Variants in PRKAG2 observed in about 807,000 individuals in gnomAD.
PRKAG2 encodes protein kinase AMP-activated non-catalytic subunit gamma 2.
PRKAG2 carries 26 observed loss-of-function variants against 69.6 expected under a neutral mutation model. The ratio of observed to expected loss-of-function variants is 0.37; its 90% CI spans 0.27 to 0.52. The LOEUF is 0.52. Ranked by LOEUF, PRKAG2 falls within the 20% of genes least tolerant of loss-of-function variation. The pLI, the probability that PRKAG2 is intolerant of heterozygous loss-of-function variation, is 0.90. For synonymous variants in PRKAG2, 293 were observed against 285.0 expected (o/e 1.03, Z -0.28); for missense variants, 557 against 740.0 (o/e 0.75, Z 2.87).
At chr7:151,795,619 G>A (rs56037571) in intron 1 of PRKAG2, among the ~76,000 whole-genome samples, 18,551 of 152,016 alleles carry the variant, frequency 0.12, 1,358 homozygotes, top group Middle Eastern at 0.19. Flanking sequence ...AGACGTGGAT[G>A]ACATCTACAG....
At chr7:151,767,566 C>T (rs2075802268) in intron 3 of PRKAG2, among the ~76,000 whole-genome samples, 1 of 152,240 alleles carries the variant, frequency 6.6e-6, no homozygotes, top group African/African-American at 2.4e-5. Flanking sequence ...GCTGGGATTA[C>T]AGGCGTGAGC....
intron 6 of PRKAG2, among the ~76,000 whole-genome samples, chr7:151,581,570 T>C (rs1810478254): frequency 6.6e-6 from 1 of 150,512 alleles, no homozygotes; most frequent in African/African-American, 2.5e-5. Context: ...AAATCTCTGG[T>C]CAAATAGTGT....
At chr7:151,629,100 G>A (rs1823747189) in intron 5 of PRKAG2, among the ~76,000 whole-genome samples, 1 of 152,208 alleles carries the variant, frequency 6.6e-6, no homozygotes, top group African/African-American at 2.4e-5. Flanking sequence ...AAGTTTTACT[G>A]GAGCCGAGCC....
intron 6 of PRKAG2, among the ~76,000 whole-genome samples, chr7:151,593,092 T>C (rs1813628789): frequency 6.6e-6 from 1 of 152,266 alleles, no homozygotes; most frequent in Admixed American, 6.5e-5. Context: ...GCATTTTTCA[T>C]GTATTACTCA....
intron 6 of PRKAG2, among the ~76,000 whole-genome samples, chr7:151,578,987 G>A (rs1209273048): frequency 2.0e-5 from 3 of 152,114 alleles, no homozygotes; most frequent in Non-Finnish European, 4.4e-5. Flanking sequence ...GGGAATGGGG[G>A]CACCTTTTAT....
intron 1 of PRKAG2, among the ~76,000 whole-genome samples, chr7:151,859,675 C>T (rs557115127): frequency 4.5e-4 from 69 of 152,316 alleles, no homozygotes; most frequent in South Asian, 1.4e-3. Context: ...TGTCCCTTGG[C>T]GCCATCAGAA....
At chr7:151,686,874 T>C (rs1834818260) in intron 3 of PRKAG2, among the ~76,000 whole-genome samples, 2 of 152,114 alleles carry the variant, frequency 1.3e-5, no homozygotes, top group Admixed American at 1.3e-4. Flanking sequence ...TGTTGGAAAA[T>C]ATCTGAGTGA....
intron 4 of PRKAG2, among the ~76,000 whole-genome samples, chr7:151,649,525 C>T (rs1255966258): frequency 6.6e-6 from 1 of 152,162 alleles, no homozygotes; most frequent in Non-Finnish European, 1.5e-5. Context: ...TCTGTGTCCC[C>T]ACCCAAATCT....
intron 1 of PRKAG2, among the ~76,000 whole-genome samples, chr7:151,874,219 GATGTATATGTATATGATGTAT>G (rs1563772685): frequency 0.01 from 1,204 of 119,262 alleles, no homozygotes; most frequent in East Asian, 0.037. Flanking sequence ...ATATGTATAT[GATGTATATGTATATGATGTAT>G]ATGTATATGT....
At chr7:151,560,319 C>T (rs757102834) in intron 15 of PRKAG2, 253 of 1,477,496 alleles carry the variant, frequency 1.7e-4, no homozygotes, top group Non-Finnish European at 2.1e-4. Flanking sequence ...CTCTTAACTT[C>T]GAATACGTTC....
chr7:151,779,398 C>T (rs371168340), intron 3 of PRKAG2, among the ~76,000 whole-genome samples: 193 of 152,298 alleles, frequency 1.3e-3, no homozygotes, highest in African/African-American at 2.2e-3. Flanking sequence ...CTCCTCTCCC[C>T]GCTCCTCCCT....
In PRKAG2 at chr7:151,679,380, C is replaced by T. The variant is rs915300522; in HGVS notation, c.467-3743G>A. ...AGCAACAAAGTCTCCAGCAGGGGCT[C>T]GTCCTGGTCCCACAATGCACCTAGG... On this transcript the variant is annotated intron_variant, in intron 3 of 15. Coordinates refer to ENST00000287878, the MANE Select transcript of PRKAG2 (RefSeq NM_016203.4). 4.6e-5 allele frequency among the ~76,000 whole-genome samples: 7 copies of T among 152,270 alleles called. No homozygotes were observed. The East Asian group carries it at 5.8e-4, about 13-fold the overall frequency.
chr7:151,622,725 C>T (rs1402550697), intron 5 of PRKAG2, among the ~76,000 whole-genome samples: 1 of 152,184 alleles, frequency 6.6e-6, no homozygotes, highest in African/African-American at 2.4e-5. Context: ...CACAAACATC[C>T]AATCGCAAAA....
chr7:151,681,609 C>T (rs1350045584), intron 3 of PRKAG2, among the ~76,000 whole-genome samples: 1 of 151,718 alleles, frequency 6.6e-6, no homozygotes, highest in African/African-American at 2.4e-5. Flanking sequence ...TGCACGATGC[C>T]ACCCTGTTTA....
At chr7:151,715,937 C>T (rs994858666) in intron 3 of PRKAG2, among the ~76,000 whole-genome samples, 2 of 152,088 alleles carry the variant, frequency 1.3e-5, no homozygotes, top group African/African-American at 4.8e-5. Flanking sequence ...GAAGGATTTT[C>T]GAGAGGCACT....
intron 1 of PRKAG2, among the ~76,000 whole-genome samples, chr7:151,811,609 G>A (rs552261473): frequency 6.6e-6 from 1 of 152,266 alleles, no homozygotes; most frequent in Non-Finnish European, 1.5e-5. Context: ...CCAATGAAAG[G>A]CTTGGCTGGA....
rs397517274 is a variant in PRKAG2 at position 151,675,550 on chromosome 7, T to A, written c.554A>T (p.Glu185Val). The A allele has an allele frequency of 1.9e-5, 30 of 1,614,000 alleles. No individual in the cohort carries two copies. In the Admixed American group the frequency reaches 2.8e-4, roughly 15 times the overall value. ...GGCATAGATGCGATTCTCTAACCGT[T>A]CAGGCTCGTGCTTATAGGATTCCAG... ...FPLESYKHEPERLENRIYASS... is the reference protein window; with the variant it reads ...FPLESYKHEPVRLENRIYASS... The change falls in exon 4 of 16, where the codon GAA becomes GTA. Residue 185 changes from glutamate to valine, a missense_variant. Coordinates refer to ENST00000287878, the MANE Select transcript of PRKAG2 (RefSeq NM_016203.4).
In PRKAG2 at chr7:151,638,876, C is replaced by T. The variant is rs1157147630; in HGVS notation, c.685-6738G>A. Among the ~76,000 whole-genome samples, 5 of 152,194 alleles carry T rather than the reference C, an allele frequency of 3.3e-5. No homozygotes were observed. Among genetic ancestry groups the T allele is most frequent in the Non-Finnish European group, 7.3e-5 (5 of 68,034 alleles). On this transcript the variant is annotated intron_variant, in intron 4 of 15. Transcript: ENST00000287878. This position sits in a 1 kb window ranked among gnomAD's most constrained non-coding sequence, Gnocchi z 4.3. ...AACCTCAAATACTGGGTAAGGAGCT[C>T]CTGAATAATTTAGCATACAGAACTC...
chr7:151,770,640 G>C (rs1463545058), intron 3 of PRKAG2, among the ~76,000 whole-genome samples: 1 of 152,230 alleles, frequency 6.6e-6, no homozygotes, highest in Non-Finnish European at 1.5e-5. Context: ...ACTGAGCAAG[G>C]TGTGCTGGGA....
Sources: allele counts gnomAD v4.1 joint callset (sites outside exome capture counted in the v4.1 genomes callset), GRCh38; gene constraint gnomAD v4.1.1; non-coding constraint Gnocchi (gnomAD v3.1); transcripts MANE v1.5; gene names NCBI Gene and HGNC (gene_info 2026-07-23, HGNC 2026-07-21).